Variants in COP1 observed in about 807,000 individuals in gnomAD.
The protein encoded by COP1 is E3 ubiquitin-protein ligase COP1.
COP1 carries 24 observed loss-of-function variants against 101.3 expected under a neutral mutation model. The ratio of observed to expected loss-of-function variants is 0.24; its 90% CI spans 0.17 to 0.33. The LOEUF is 0.33. Among genes scored for constraint, COP1 ranks in the 10% least tolerant of loss-of-function variants. COP1 has a pLI of 1.00. For missense variants in COP1, 663 were observed against 906.2 expected (o/e 0.73, Z 3.45); for synonymous variants, 347 against 341.9 (o/e 1.01, Z -0.17).
chr1:176,057,641 A>G (rs1175330442), intron 11 of COP1, among the ~76,000 whole-genome samples: 2 of 152,140 alleles, frequency 1.3e-5, no homozygotes, highest in African/African-American at 4.8e-5. Context: ...TCAGTGCTCA[A>G]TGGTGCCCAG....
intron 1 of COP1, among the ~76,000 whole-genome samples, chr1:176,191,940 A>G (rs1420874521): frequency 6.6e-6 from 1 of 152,156 alleles, no homozygotes; most frequent in African/African-American, 2.4e-5. Context: ...TAATTTAACA[A>G]TAAAATATTT....
At chr1:176,085,142 A>G (rs1442061471) in intron 10 of COP1, among the ~76,000 whole-genome samples, 1 of 152,166 alleles carries the variant, frequency 6.6e-6, no homozygotes, top group Non-Finnish European at 1.5e-5. Flanking sequence ...TCTACTTTGA[A>G]CATGTTTCTA....
intron 14 of COP1, 136 bp downstream of exon 14, chr1:176,043,050 T>C (rs1670909578): frequency 3.2e-6 from 2 of 633,960 alleles, no homozygotes; most frequent in Admixed American, 2.6e-5. Context: ...CAAAACAACA[T>C]GGGGAATAAT....
Position 175,984,192 on chromosome 1 carries a change from C to T in COP1, c.2133+2751G>A, listed in dbSNP as rs115763204. On this transcript the variant is annotated intron_variant, in intron 18 of 19. Coordinates refer to ENST00000367669, the MANE Select transcript of COP1 (RefSeq NM_022457.7). ...CCTCCCATCACAGGCCTGGAGACCC[C>T]AGAGGAAAAAGTTGTTTCCTGGGCC... is the stretch of plus-strand genomic sequence containing the variant. 7.9e-3 allele frequency among the ~76,000 whole-genome samples: 1,195 copies of T among 152,164 alleles called. 10 individuals are homozygous for T. The highest frequency in any genetic ancestry group is 0.014 in the Non-Finnish European group (956 of 67,996).
At chr1:176,074,500 G>C (rs1055386878) in intron 11 of COP1, among the ~76,000 whole-genome samples, 2 of 151,820 alleles carry the variant, frequency 1.3e-5, no homozygotes, top group Non-Finnish European at 2.9e-5. Context: ...GAAAAAAAAC[G>C]AATGTAGCAT....
intron 11 of COP1, among the ~76,000 whole-genome samples, chr1:176,062,427 G>C (rs1210845922): frequency 6.6e-6 from 1 of 152,104 alleles, no homozygotes; most frequent in African/African-American, 2.4e-5. Context: ...GAAAAACAAT[G>C]AGAAAATGCC....
At chr1:175,979,580 A>G (rs1180788490) in intron 18 of COP1, among the ~76,000 whole-genome samples, 1 of 152,084 alleles carries the variant, frequency 6.6e-6, no homozygotes, top group Non-Finnish European at 1.5e-5. Context: ...TGTAATAAAA[A>G]TATTAAGCCA....
chr1:176,050,006 C>T (rs1672259568), intron 11 of COP1, among the ~76,000 whole-genome samples: 1 of 152,170 alleles, frequency 6.6e-6, no homozygotes, highest in African/African-American at 2.4e-5. Flanking sequence ...TTCATTTCTG[C>T]CATCCACTGT....
intron 15 of COP1, among the ~76,000 whole-genome samples, chr1:176,015,727 G>C (rs1665508710): frequency 6.6e-6 from 1 of 152,160 alleles, no homozygotes; most frequent in African/African-American, 2.4e-5. Context: ...GGAAGAAATA[G>C]AGGAGTGGTC....
At chr1:176,136,047 T>C (rs2149737116) in intron 7 of COP1, among the ~76,000 whole-genome samples, 1 of 152,092 alleles carries the variant, frequency 6.6e-6, no homozygotes, top group East Asian at 1.9e-4. Flanking sequence ...CCCATAAATT[T>C]CCTTAGGTAA....
rs1255988238 is a variant in COP1, at chr1:176,175,583, T to C, written c.565+327A>G. On this transcript the variant is annotated intron_variant, in intron 3 of 19. Coordinates refer to ENST00000367669, the MANE Select transcript of COP1 (RefSeq NM_022457.7). The stretch of plus-strand genomic sequence containing the variant: ...CTGACAGGAGACAGAGCACAGGCAG[T>C]AGTGCTCGCTCACCTGCCAGCCCCT... Among the ~76,000 whole-genome samples the C allele has an allele frequency of 2.6e-5, 4 of 152,190 alleles. No individual in the cohort carries two copies. The East Asian group carries it at 5.8e-4, about 22-fold the overall frequency.
chr1:176,063,416 T>C (rs1031885182), intron 11 of COP1, among the ~76,000 whole-genome samples: 1 of 152,210 alleles, frequency 6.6e-6, no homozygotes, highest in African/African-American at 2.4e-5. Context: ...TCAAACTTTA[T>C]GCTTTATTGT....
chr1:176,001,708 G>A (rs970440255), intron 15 of COP1, among the ~76,000 whole-genome samples: 1 of 151,884 alleles, frequency 6.6e-6, no homozygotes, highest in Non-Finnish European at 1.5e-5. Flanking sequence ...TTACTACTTT[G>A]TGGACTTACA....
intron 18 of COP1, among the ~76,000 whole-genome samples, chr1:175,983,797 G>A (rs1324848181): frequency 2.0e-5 from 3 of 152,202 alleles, no homozygotes; most frequent in African/African-American, 7.2e-5. Flanking sequence ...CTGGGAAATA[G>A]AGCAAAGAAG....
intron 10 of COP1, among the ~76,000 whole-genome samples, chr1:176,081,683 A>AT (rs1679192170): frequency 6.6e-6 from 1 of 152,128 alleles, no homozygotes; most frequent in East Asian, 1.9e-4. Context: ...TGGCACACAT[A>AT]TTTATGCCCA....
At position 176,207,211 on chromosome 1, in the gene COP1, G is replaced by GGCCGCC. The variant is rs951225231; in HGVS notation, c.-239_-234dup. On this transcript the variant is annotated 5_prime_UTR_variant, in exon 1 of 20. Coordinates refer to ENST00000367669, the MANE Select transcript of COP1 (RefSeq NM_022457.7). Reference sequence around the variant, plus strand: ...GAGTAGAAGGCACTACCGCTGTCGAGGCCGCCGCCGCCACCGCGGTCCCTG... The same window carrying GGCCGCC: ...GAGTAGAAGGCACTACCGCTGTCGAGGCCGCCGCCGCCGCCGCCACCGCGGTCCCTG... The GGCCGCC allele has an allele frequency of 4.0e-5, 16 of 402,038 alleles. No homozygotes were observed. Among genetic ancestry groups the GGCCGCC allele is most frequent in the South Asian group, 2.4e-4 (2 of 8,274 alleles). 24.9% of individuals were successfully genotyped at this position (402,038 alleles called of 1,614,324 possible). A position where few individuals can be genotyped will look rare whatever the true frequency, so the allele number is the denominator to read the frequency against.
chr1:176,034,242 A>G (rs1669108463), intron 14 of COP1, among the ~76,000 whole-genome samples: 1 of 152,156 alleles, frequency 6.6e-6, no homozygotes, highest in East Asian at 1.9e-4. Flanking sequence ...TCAAGCAACA[A>G]ACACTAAGTA....
chr1:175,980,137 T>G (rs962136310), intron 18 of COP1, among the ~76,000 whole-genome samples: 4 of 152,084 alleles, frequency 2.6e-5, no homozygotes, highest in Admixed American at 2.6e-4. Flanking sequence ...TGAAGCACCG[T>G]GTGGTTAAGG....
chr1:176,043,438 C>CT (rs934928084), intron 13 of COP1, among the ~76,000 whole-genome samples, 171 bp from the exon 14 acceptor site: 5 of 152,026 alleles, frequency 3.3e-5, no homozygotes, highest in South Asian at 2.1e-4. Context: ...ACTTCCAAAA[C>CT]TTTTTATACA....
Sources: allele counts gnomAD v4.1 joint callset (sites outside exome capture counted in the v4.1 genomes callset), GRCh38; gene constraint gnomAD v4.1.1; transcripts MANE v1.5; gene names NCBI Gene and HGNC (gene_info 2026-07-23, HGNC 2026-07-21).